CTNNBL1: variants seen among roughly 807,000 people sequenced by gnomAD.
The protein encoded by CTNNBL1 is beta-catenin-like protein 1.
Under a neutral mutation model 72.7 loss-of-function variants are expected in CTNNBL1, and 31 were observed. That is an observed-to-expected ratio of 0.43 (90% CI 0.32 to 0.58). The LOEUF (loss-of-function observed/expected upper bound fraction) is 0.58. Among genes scored for constraint, CTNNBL1 ranks in the 20% least tolerant of loss-of-function variants. The probability of loss-of-function intolerance (pLI) is 0.08; values close to 1 mark genes in which losing one functional copy is unlikely to be tolerated. For synonymous variants in CTNNBL1, 240 were observed against 267.3 expected (o/e 0.90, Z 1.00); for missense variants, 534 against 725.1 (o/e 0.74, Z 3.03).
chr20:37,720,222 G>T (rs2073028170), intron 1 of CTNNBL1, among the ~76,000 whole-genome samples: 1 of 151,996 alleles, frequency 6.6e-6, no homozygotes, highest in Admixed American at 6.6e-5. Context: ...TAGAGAGGGG[G>T]TTTCACCATG....
intron 11 of CTNNBL1, among the ~76,000 whole-genome samples, chr20:37,817,059 G>A (rs1431703647): frequency 3.9e-5 from 6 of 152,156 alleles, no homozygotes; most frequent in African/African-American, 1.4e-4. Flanking sequence ...AACTCCATGT[G>A]GGTTATCGTT....
intron 15 of CTNNBL1, among the ~76,000 whole-genome samples, chr20:37,865,782 G>A (rs974698948): frequency 4.6e-5 from 7 of 152,252 alleles, no homozygotes; most frequent in African/African-American, 1.7e-4. Flanking sequence ...CATGGCTACT[G>A]CACAGTGGCT....
chr20:37,842,631 C>T (rs1322412725), intron 13 of CTNNBL1, among the ~76,000 whole-genome samples: 2 of 152,174 alleles, frequency 1.3e-5, no homozygotes, highest in Non-Finnish European at 2.9e-5. Flanking sequence ...AGCGTCCATC[C>T]AGGTCTGACC....
At chr20:37,850,886 T>C (rs181100526) in intron 13 of CTNNBL1, among the ~76,000 whole-genome samples, 1 of 152,358 alleles carries the variant, frequency 6.6e-6, no homozygotes, top group East Asian at 1.9e-4. Context: ...TAGCAGCCTC[T>C]TTTATGACTG....
chr20:37,785,854 A>T (rs932014515), intron 10 of CTNNBL1, among the ~76,000 whole-genome samples: 1 of 152,106 alleles, frequency 6.6e-6, no homozygotes, highest in Admixed American at 6.5e-5. Context: ...TAGTCTTTGC[A>T]GTCTGGGCTT....
intron 13 of CTNNBL1, among the ~76,000 whole-genome samples, chr20:37,848,466 T>C (rs2072366091): frequency 6.6e-6 from 1 of 152,156 alleles, no homozygotes; most frequent in Non-Finnish European, 1.5e-5. Context: ...TAGGCTCTTC[T>C]TTAAACCTGT....
At chr20:37,724,914 T>C (rs2073070181) in intron 1 of CTNNBL1, among the ~76,000 whole-genome samples, 1 of 149,832 alleles carries the variant, frequency 6.7e-6, no homozygotes, top group African/African-American at 2.5e-5. Context: ...CAATCTTTTT[T>C]TTTTTTTTTT....
intron 10 of CTNNBL1, among the ~76,000 whole-genome samples, chr20:37,788,780 C>T (rs2073699970): frequency 6.6e-6 from 1 of 152,218 alleles, no homozygotes; most frequent in African/African-American, 2.4e-5. Flanking sequence ...CTAAGAAGTC[C>T]TTCATGCAGA....
rs552762722 is a variant in CTNNBL1 at position 37,826,609 on chromosome 20, C to G, written c.1214-13493C>G. ...TCCAAGTGCACACTTTTTCTTGCCTCCTTCTCAACATTTTCTTAAGATAAT... is the reference window on the plus strand; with the variant it reads ...TCCAAGTGCACACTTTTTCTTGCCTGCTTCTCAACATTTTCTTAAGATAAT... On this transcript the variant is annotated intron_variant, in intron 11 of 15. Coordinates refer to ENST00000361383, the MANE Select transcript of CTNNBL1 (RefSeq NM_030877.5). 1.2e-4 allele frequency among the ~76,000 whole-genome samples: 19 copies of G among 152,330 alleles called. 1 individual carries two copies. Among genetic ancestry groups the G allele is most frequent in the Admixed American group, 1.2e-3 (18 of 15,300 alleles).
Position 37,860,244 on chromosome 20 carries a change from T to C in CTNNBL1, c.1531-28T>C, listed in dbSNP as rs184004697. On this transcript the variant is annotated intron_variant, in intron 14 of 15. Coordinates refer to ENST00000361383, the MANE Select transcript of CTNNBL1 (RefSeq NM_030877.5). ...GTGTCAGGACAAATGGTTGTCTTTC[T>C]TTCTCTACCCATTTTTTCCCTTATT... 321 of 1,599,594 alleles carry C rather than the reference T, an allele frequency of 2.0e-4. 2 individuals carry two copies. The African/African-American group carries it at 3.6e-3, about 18-fold the overall frequency.
intron 12 of CTNNBL1, among the ~76,000 whole-genome samples, chr20:37,841,084 G>A (rs2072300113): frequency 6.6e-6 from 1 of 152,214 alleles, no homozygotes; most frequent in African/African-American, 2.4e-5. Context: ...GGATAATAGA[G>A]AAGATGACTT....
chr20:37,753,613 T>G (rs1395072669), intron 4 of CTNNBL1, among the ~76,000 whole-genome samples: 1 of 152,238 alleles, frequency 6.6e-6, no homozygotes, highest in African/African-American at 2.4e-5. Flanking sequence ...TAGCTTAAAC[T>G]TCAGATTTTA....
intron 15 of CTNNBL1, among the ~76,000 whole-genome samples, chr20:37,870,630 C>T (rs980606765): frequency 2.0e-5 from 3 of 152,194 alleles, no homozygotes; most frequent in Admixed American, 6.5e-5. Flanking sequence ...ACTGTCACGT[C>T]GCATCTCCTT....
At chr20:37,782,962 C>T (rs1326411550) in intron 10 of CTNNBL1, among the ~76,000 whole-genome samples, 1 of 152,018 alleles carries the variant, frequency 6.6e-6, no homozygotes, top group Non-Finnish European at 1.5e-5. Flanking sequence ...TTACAATAGC[C>T]ACATTTCAGA....
intron 2 of CTNNBL1, among the ~76,000 whole-genome samples, chr20:37,736,279 C>T (rs1201012028): frequency 1.3e-5 from 2 of 152,130 alleles, no homozygotes; most frequent in African/African-American, 4.8e-5. Flanking sequence ...TCTTAGTTTA[C>T]GCACTGTGGA....
At chr20:37,717,763 A>G (rs1162122758) in intron 1 of CTNNBL1, among the ~76,000 whole-genome samples, 9 of 152,130 alleles carry the variant, frequency 5.9e-5, no homozygotes, top group African/African-American at 2.2e-4. Flanking sequence ...GGCCTTCCGT[A>G]GTGTTTGTGT....
chr20:37,811,714 G>A (rs528944602), intron 11 of CTNNBL1, among the ~76,000 whole-genome samples: 2 of 152,352 alleles, frequency 1.3e-5, no homozygotes, highest in African/African-American at 4.8e-5. Flanking sequence ...AGAAGACAGT[G>A]AGACAGGATG....
intron 9 of CTNNBL1, 87 bp from the exon 10 acceptor site, chr20:37,779,100 C>A: frequency 7.5e-7 from 1 of 1,340,766 alleles, no homozygotes; most frequent in Non-Finnish European, 1.1e-6. Flanking sequence ...AGAGTTATGA[C>A]CCACAGGTTT....
At chr20:37,762,240 TG>T (rs60701661) in intron 5 of CTNNBL1, among the ~76,000 whole-genome samples, 6,190 of 152,266 alleles carry the variant, frequency 0.041, 436 homozygotes, top group African/African-American at 0.14. Flanking sequence ...TCAGTGGGTG[TG>T]GGGTTTTATT....
Sources: gnomAD v4.1 joint callset for allele counts (sites outside exome capture counted in the v4.1 genomes callset) on GRCh38, gnomAD v4.1.1 for gene constraint, MANE v1.5 for transcripts, NCBI Gene and HGNC (gene_info 2026-07-23, HGNC 2026-07-21) for gene names.